The following TDO2 variants were observed in gnomAD, a reference collection of about 807,000 sequenced individuals.
TDO2 encodes tryptamin 2,3-dioxygenase.
In TDO2, 63 loss-of-function variants were observed where a neutral mutation model predicts 61.2. The ratio of observed to expected loss-of-function variants is 1.03; its 90% CI spans 0.84 to 1.27. The LOEUF is 1.27. Among genes scored for constraint, TDO2 ranks in the 50% most tolerant of loss-of-function variants. TDO2 has a pLI of 0.00. For missense variants in TDO2, 494 were observed against 469.5 expected (o/e 1.05, Z -0.48); for synonymous variants, 183 against 164.0 (o/e 1.12, Z -0.89).
At chr4:155,914,585 G>A in intron 8 of TDO2, 151 bp downstream of exon 8, 1 of 584,796 alleles carries the variant, frequency 1.7e-6, no homozygotes, top group Non-Finnish European at 2.8e-6. Flanking sequence ...AAATGTTTTT[G>A]GTGATAAACC....
chr4:155,911,613 A>C lies in TDO2; in HGVS notation c.726+9A>C, dbSNP rs1430637722. On this transcript the variant is annotated intron_variant, in intron 7 of 11. Transcript: ENST00000536354. The stretch of plus-strand genomic sequence containing the variant: ...AATTCATAAGGATTCAGGTATTTAG[A>C]TGACATGAGTTAATATAAATTCAAT... 6.6e-6 allele frequency: 10 copies of C among 1,520,428 alleles called. No homozygotes were observed. The South Asian group carries it at 1.3e-4, about 19-fold the overall frequency. The allele number at this position is 1,520,428 out of a possible 1,614,324, so 94.2% of individuals were successfully genotyped here.
At chr4:155,915,999 C>A in intron 9 of TDO2, 87 bp downstream of exon 9, 3 of 1,167,044 alleles carry the variant, frequency 2.6e-6, no homozygotes, top group Non-Finnish European at 3.6e-6. Flanking sequence ...AAATTACAAT[C>A]ATAGTTTAAT....
intron 2 of TDO2, among the ~76,000 whole-genome samples, chr4:155,904,703 T>A: frequency 6.6e-6 from 1 of 152,284 alleles, no homozygotes; most frequent in South Asian, 2.1e-4. Context: ...ATAAAGAATG[T>A]TAAAATATTC....
intron 8 of TDO2, 33 bp from the exon 9 acceptor site, chr4:155,915,822 C>T: frequency 1.3e-6 from 2 of 1,583,672 alleles, no homozygotes; most frequent in Non-Finnish European, 1.7e-6. Flanking sequence ...CTTAAATGAC[C>T]TAAAAAATTT....
At chr4:155,913,412 C>T (rs1742873333) in intron 7 of TDO2, among the ~76,000 whole-genome samples, 2 of 152,006 alleles carry the variant, frequency 1.3e-5, no homozygotes, top group South Asian at 4.1e-4. Flanking sequence ...AATGTTCTTC[C>T]CCAACTAACT....
At chr4:155,903,835 A>G (rs1742669490) in intron 1 of TDO2, 42 bp downstream of exon 1, 1 of 1,608,696 alleles carries the variant, frequency 6.2e-7, no homozygotes, top group Non-Finnish European at 8.5e-7. Flanking sequence ...TGGCTTTTAG[A>G]AGTATCAGGT....
rs373716255 is a variant in TDO2 at position 155,919,995 on chromosome 4, G to A, written c.*5G>A. The A allele has an allele frequency of 3.5e-5, 56 of 1,610,726 alleles. 1 individual carries two copies. The highest frequency in any genetic ancestry group is 1.4e-4 in the South Asian group (13 of 90,174). On this transcript the variant is annotated 3_prime_UTR_variant, in exon 12 of 12. Coordinates refer to ENST00000536354, the MANE Select transcript of TDO2 (RefSeq NM_005651.4). ...AGCAGTGATGAATCAGATTAAAATC[G>A]TCTGCAAAATCTATGAAGAATACTG...
chr4:155,918,365 G>A (rs1171150539), intron 11 of TDO2, 126 bp downstream of exon 11: 1 of 729,670 alleles, frequency 1.4e-6, no homozygotes, highest in African/African-American at 1.8e-5. Flanking sequence ...CAACACGTTT[G>A]TAGTTAGAAT....
At chr4:155,916,414 C>T (rs1476547775) in intron 9 of TDO2, among the ~76,000 whole-genome samples, 1 of 129,020 alleles carries the variant, frequency 7.8e-6, no homozygotes, top group African/African-American at 2.8e-5. Context: ...GTGATCGGCC[C>T]GCCTCGGCCT....
intron 9 of TDO2, among the ~76,000 whole-genome samples, chr4:155,917,179 T>C (rs558495962): frequency 1.3e-5 from 2 of 152,264 alleles, no homozygotes; most frequent in African/African-American, 4.8e-5. Context: ...TACATGGACT[T>C]TTCTAGGCTT....
intron 11 of TDO2, 126 bp from the exon 12 acceptor site, chr4:155,919,711 C>A: frequency 1.3e-6 from 1 of 741,870 alleles, no homozygotes; most frequent in Non-Finnish European, 2.1e-6. Flanking sequence ...ATATATACAA[C>A]ATGCAATATA....
In TDO2 at chr4:155,911,587, G is replaced by A. The variant is rs1322705409; in HGVS notation, c.709G>A (p.Glu237Lys). Reference protein sequence around the residue: ...EKNITRGLEEEFIRIQAKEES... With the variant: ...EKNITRGLEEKFIRIQAKEES... ...AAATATCACCAGAGGCCTGGAAGAG[G>A]AATTCATAAGGATTCAGGTATTTAG... Residue 237 changes from glutamate (E) to lysine (K), a missense_variant, in exon 7 of 12, where the codon GAA becomes AAA. By Grantham distance (56) the Glu-to-Lys change is moderately conservative (BLOSUM62 1). Coordinates refer to ENST00000536354, the MANE Select transcript of TDO2 (RefSeq NM_005651.4). 2 of 1,554,118 alleles carry A rather than the reference G, an allele frequency of 1.3e-6. No homozygotes were observed. Among genetic ancestry groups the A allele is most frequent in the South Asian group, 1.2e-5 (1 of 86,376 alleles).
chr4:155,916,035 C>A, intron 9 of TDO2, 123 bp downstream of exon 9: 2 of 793,572 alleles, frequency 2.5e-6, no homozygotes, highest in Non-Finnish European at 3.8e-6. Context: ...TTGTAGAAAA[C>A]TTGGAAGATA....
At chr4:155,913,576 C>G (rs1467052796) in intron 7 of TDO2, among the ~76,000 whole-genome samples, 3 of 152,044 alleles carry the variant, frequency 2.0e-5, no homozygotes, top group African/African-American at 4.8e-5. Flanking sequence ...CTTATTCCTA[C>G]CAGATAATTC....
At chr4:155,904,759 T>G (rs1351256508) in intron 2 of TDO2, among the ~76,000 whole-genome samples, 1 of 152,150 alleles carries the variant, frequency 6.6e-6, no homozygotes, top group African/African-American at 2.4e-5. Flanking sequence ...AAATGCATAG[T>G]CAGCTCAGCA....
chr4:155,910,117 A>G lies in TDO2; in HGVS notation c.524A>G (p.Tyr175Cys), dbSNP rs1460582076. ...IGVLQNMRVP[Y>C]NRRHYRDNFK... Reference sequence around the variant, plus strand: ...GTTCTTCAGAACATGAGAGTCCCTTATAACAGAAGACATTATCGTGATAAC... The same window carrying G: ...GTTCTTCAGAACATGAGAGTCCCTTGTAACAGAAGACATTATCGTGATAAC... The change falls in exon 6 of 12, where the codon TAT (tyrosine) becomes TGT (cysteine). Residue 175 changes from tyrosine to cysteine, a missense_variant. Transcript: ENST00000536354. 4.4e-6 allele frequency: 7 copies of G among 1,601,112 alleles called. No individual in the cohort carries two copies. Among genetic ancestry groups the G allele is most frequent in the East Asian group, 2.3e-5 (1 of 42,984 alleles).
intron 11 of TDO2, 64 bp downstream of exon 11, chr4:155,918,303 A>G: frequency 1.3e-6 from 2 of 1,514,246 alleles, no homozygotes; most frequent in Admixed American, 1.7e-5. Flanking sequence ...CTCCACCTAT[A>G]CATTTGCTAT....
At chr4:155,909,962 C>T in intron 5 of TDO2, 63 bp from the exon 6 acceptor site, 1 of 331,270 alleles carries the variant, frequency 3.0e-6, no homozygotes, top group Non-Finnish European at 4.7e-6. Flanking sequence ...TTTCTCTTCT[C>T]TGCTCTTCTC....
chr4:155,908,310 G>A (rs938571903), intron 4 of TDO2, among the ~76,000 whole-genome samples: 7 of 152,024 alleles, frequency 4.6e-5, no homozygotes, highest in Non-Finnish European at 8.8e-5. Context: ...TTCCAGTGAC[G>A]GCAGGAGCTT....
Sources: allele counts gnomAD v4.1 joint callset (sites outside exome capture counted in the v4.1 genomes callset), GRCh38; gene constraint gnomAD v4.1.1; transcripts MANE v1.5; gene names NCBI Gene and HGNC (gene_info 2026-07-23, HGNC 2026-07-21).